Variants in ZNF804A observed in about 807,000 individuals in gnomAD.
The protein encoded by ZNF804A is zinc finger protein 804A.
ZNF804A carries 2 observed loss-of-function variants against 16.5 expected under a neutral mutation model. The observed-to-expected ratio is 0.12, with a 90% CI of 0.05 to 0.38. The LOEUF (loss-of-function observed/expected upper bound fraction) is 0.38. ZNF804A is among the 10% of genes least tolerant of loss of function. The pLI is 0.99. For missense variants in ZNF804A, 1,473 were observed against 1,390.7 expected (o/e 1.06, Z -0.94); for synonymous variants, 534 against 489.6 (o/e 1.09, Z -1.20).
At chr2:184,645,329 C>T (rs1173763450) in intron 1 of ZNF804A, among the ~76,000 whole-genome samples, 2 of 152,032 alleles carry the variant, frequency 1.3e-5, no homozygotes, top group Non-Finnish European at 2.9e-5. Flanking sequence ...TTCTATTTTA[C>T]ATTGATGATA....
At chr2:184,930,364 A>C (rs1685676852) in intron 2 of ZNF804A, among the ~76,000 whole-genome samples, 1 of 152,174 alleles carries the variant, frequency 6.6e-6, no homozygotes, top group African/African-American at 2.4e-5. Flanking sequence ...GGAAATATCT[A>C]TACAATTGAG....
intron 1 of ZNF804A, among the ~76,000 whole-genome samples, chr2:184,710,137 T>C (rs565088350): frequency 3.3e-5 from 5 of 151,562 alleles, no homozygotes; most frequent in African/African-American, 1.2e-4. Flanking sequence ...GTATTTTTAA[T>C]TTAATGTTTT....
chr2:184,670,296 T>C (rs1692321758), intron 1 of ZNF804A, among the ~76,000 whole-genome samples: 2 of 152,110 alleles, frequency 1.3e-5, no homozygotes, highest in South Asian at 4.1e-4. Context: ...GTTTGTATCT[T>C]TAATCAGAGT....
intron 1 of ZNF804A, among the ~76,000 whole-genome samples, chr2:184,719,454 T>C (rs1693270258): frequency 6.6e-6 from 1 of 152,196 alleles, no homozygotes; most frequent in Admixed American, 6.5e-5. Flanking sequence ...AAATGGGATT[T>C]TCTTTACTAT....
intron 1 of ZNF804A, among the ~76,000 whole-genome samples, chr2:184,783,099 T>C (rs1694395646): frequency 6.8e-6 from 1 of 148,068 alleles, no homozygotes; most frequent in Non-Finnish European, 1.5e-5. Context: ...ATATGTAAAA[T>C]AATTTTTCAA....
chr2:184,907,279 T>C (rs1685291359), intron 2 of ZNF804A, among the ~76,000 whole-genome samples: 1 of 152,202 alleles, frequency 6.6e-6, no homozygotes. Flanking sequence ...ATTTGTTATG[T>C]TAAACTCTAA....
At chr2:184,623,148 C>A (rs1339583432) in intron 1 of ZNF804A, among the ~76,000 whole-genome samples, 1 of 151,914 alleles carries the variant, frequency 6.6e-6, no homozygotes, top group Admixed American at 6.6e-5. Context: ...TAATTGAAAT[C>A]TGCAATAATA....
chr2:184,745,674 T>A (rs914832466), intron 1 of ZNF804A, among the ~76,000 whole-genome samples: 5 of 151,564 alleles, frequency 3.3e-5, no homozygotes, highest in African/African-American at 9.7e-5. Context: ...AGATATCCCA[T>A]TTTTAGAATA....
At position 184,773,004 on chromosome 2, in the gene ZNF804A, G is replaced by GTA. The variant is rs201496540; in HGVS notation, c.112-93354_112-93353dup. The stretch of plus-strand genomic sequence containing the variant: ...ATATGTGTGTGTGGGGTGTGTGTGT[G>GTA]TATATATATATACACACACAAATAT... On this transcript the variant is annotated intron_variant, in intron 1 of 3. Coordinates refer to ENST00000302277, the MANE Select transcript of ZNF804A (RefSeq NM_194250.2). Among the ~76,000 whole-genome samples, 827 of 144,164 alleles carry GTA rather than the reference G, an allele frequency of 5.7e-3. 10 individuals are homozygous for GTA. Among genetic ancestry groups the GTA allele is most frequent in the East Asian group, 0.028 (136 of 4,778 alleles). The allele number at this position is 144,164 out of a possible 152,430, so 94.6% of individuals were successfully genotyped here. A position where few individuals can be genotyped will look rare whatever the true frequency, so the allele number is the denominator to read the frequency against.
intron 1 of ZNF804A, among the ~76,000 whole-genome samples, chr2:184,698,740 A>G (rs944208521): frequency 1.3e-5 from 2 of 152,108 alleles, no homozygotes; most frequent in Non-Finnish European, 2.9e-5. Context: ...TGAAACTTTC[A>G]GAGTTGGCTA....
At chr2:184,770,012 A>C (rs1042916498) in intron 1 of ZNF804A, among the ~76,000 whole-genome samples, 6 of 152,114 alleles carry the variant, frequency 3.9e-5, no homozygotes, top group Non-Finnish European at 8.8e-5. Context: ...GTTTCGAAGA[A>C]AGATTGTCAT....
rs1685804683 is a variant in ZNF804A, at chr2:184,937,142, G to A, written c.1746G>A (p.Leu582=). Residue 582 remains leucine, a synonymous_variant, in exon 4 of 4, where the codon TTG becomes TTA. Coordinates refer to ENST00000302277, the MANE Select transcript of ZNF804A (RefSeq NM_194250.2). ...TLDEKYNKIR[L]KETHEYWFHK... is the part of the protein sequence containing the mutation. ...ATGAAAAATACAACAAAATAAGGTT[G>A]AAAGAGACCCATGAATACTGGTTCC... 2 of 1,604,070 alleles carry A rather than the reference G, an allele frequency of 1.2e-6. No individual in the cohort carries two copies. Among genetic ancestry groups the A allele is most frequent in the Non-Finnish European group, 1.7e-6 (2 of 1,177,614 alleles).
At chr2:184,902,629 A>G (rs892199677) in intron 2 of ZNF804A, 1 of 152,088 alleles carries the variant, frequency 6.6e-6, no homozygotes, top group Non-Finnish European at 1.5e-5. Flanking sequence ...TGATTATGTT[A>G]CTTAGAGTGC....
chr2:184,705,877 A>G (rs1574171920), intron 1 of ZNF804A, among the ~76,000 whole-genome samples: 1 of 152,218 alleles, frequency 6.6e-6, no homozygotes, highest in African/African-American at 2.4e-5. Context: ...ACAGATTGAC[A>G]CCTGACATTA....
intron 1 of ZNF804A, among the ~76,000 whole-genome samples, chr2:184,802,311 T>C (rs1279171116): frequency 1.3e-5 from 2 of 152,198 alleles, no homozygotes; most frequent in Non-Finnish European, 2.9e-5. Flanking sequence ...TCTGCTCAAG[T>C]CTTTTTCACT....
chr2:184,911,374 C>T (rs1412589265), intron 2 of ZNF804A, among the ~76,000 whole-genome samples: 3 of 151,942 alleles, frequency 2.0e-5, no homozygotes, highest in African/African-American at 4.8e-5. Context: ...TACTGAAGCC[C>T]TTACAGTATC....
At chr2:184,869,698 A>G (rs537906874) in intron 2 of ZNF804A, among the ~76,000 whole-genome samples, 3 of 152,134 alleles carry the variant, frequency 2.0e-5, no homozygotes, top group South Asian at 2.1e-4. Flanking sequence ...AGGCCTCCCA[A>G]TGAGGATCTG....
At chr2:184,653,447 C>G (rs940769284) in intron 1 of ZNF804A, among the ~76,000 whole-genome samples, 2 of 152,118 alleles carry the variant, frequency 1.3e-5, no homozygotes, top group Admixed American at 6.6e-5. Context: ...TACTCAGGGA[C>G]ATAAGGCAGA....
intron 1 of ZNF804A, among the ~76,000 whole-genome samples, chr2:184,818,147 G>A (rs1695011278): frequency 6.6e-6 from 1 of 151,826 alleles, no homozygotes; most frequent in Non-Finnish European, 1.5e-5. Flanking sequence ...AATATTAAGG[G>A]CAGATAGAGA....
Sources: allele counts gnomAD v4.1 joint callset (sites outside exome capture counted in the v4.1 genomes callset), GRCh38; gene constraint gnomAD v4.1.1; transcripts MANE v1.5; gene names NCBI Gene and HGNC (gene_info 2026-07-23, HGNC 2026-07-21).